The following PRR29 variants were observed in gnomAD, a reference collection of about 807,000 sequenced individuals.
The protein encoded by PRR29 is proline-rich protein 29.
Under a neutral mutation model 25.1 loss-of-function variants are expected in PRR29, and 20 were observed. That is an observed-to-expected ratio of 0.80 (90% CI 0.56 to 1.16). The LOEUF (loss-of-function observed/expected upper bound fraction) is 1.16, where lower values mean the gene tolerates loss of function less well. PRR29 is among the 50% of genes most tolerant of loss of function. The pLI, the probability that PRR29 is intolerant of heterozygous loss-of-function variation, is 0.00. For synonymous variants in PRR29, 108 were observed against 102.6 expected (o/e 1.05, Z -0.32); for missense variants, 238 against 246.6 (o/e 0.97, Z 0.23).
chr17:63,999,312 G>GC, intron 3 of PRR29: 1 of 581,508 alleles, frequency 1.7e-6, no homozygotes, highest in East Asian at 2.9e-5. Context: ...AGGTTTCCCT[G>GC]TAGTGCCTCC....
Position 64,004,010 on chromosome 17 carries a change from T to A in PRR29, c.*2249T>A. ...AGGTCTGGTCAGGATGGGGGTGCAG[T>A]CCCAGCAGCCTCCCCCTGGCCAGGG... On this transcript the variant is annotated 3_prime_UTR_variant, in exon 6 of 6. Coordinates refer to ENST00000412177, the MANE Select transcript of PRR29 (RefSeq NM_001164257.2). The A allele has an allele frequency of 7.0e-7, 1 of 1,425,890 alleles. No homozygotes were observed. Among genetic ancestry groups the A allele is most frequent in the Non-Finnish European group, 9.5e-7 (1 of 1,048,020 alleles). 88.3% of individuals were successfully genotyped at this position (1,425,890 alleles called of 1,614,324 possible). A position where few individuals can be genotyped will look rare whatever the true frequency, so the allele number is the denominator to read the frequency against.
Position 64,001,511 on chromosome 17 carries a change from T to A in PRR29, c.515T>A (p.Val172Glu). ...CCACCCCCCAGTGCCACAGGGACTG[T>A]GGGTGCTGATGTACCCCCGGCTTCA... Reference protein sequence around the residue: ...PPPPPSATGTVGADVPPASDY... With the variant: ...PPPPPSATGTEGADVPPASDY... Residue 172 changes from valine to glutamate, a missense_variant, in exon 5 of 6, where the codon GTG becomes GAG. Val to Glu is a moderately radical substitution (Grantham distance 121, BLOSUM62 -2). Transcript: ENST00000412177. 1 of 1,513,778 alleles carries A rather than the reference T, an allele frequency of 6.6e-7. No homozygotes were observed. Among genetic ancestry groups the A allele is most frequent in the South Asian group, 1.2e-5 (1 of 80,746 alleles). 93.8% of individuals were successfully genotyped at this position (1,513,778 alleles called of 1,614,324 possible).
At position 64,002,119 on chromosome 17, in the gene PRR29, C is replaced by A; in HGVS notation, c.*358C>A. 1.0e-6 allele frequency: 1 copy of A among 961,896 alleles called. No individual in the cohort carries two copies. 59.6% of individuals were successfully genotyped at this position (961,896 alleles called of 1,614,324 possible). Reference sequence around the variant, plus strand: ...CCCTCTCTCTGGGATGATGAGGTCTCCTTCCAGCCTAGTAATGGAGCAAGA... The same window carrying A: ...CCCTCTCTCTGGGATGATGAGGTCTACTTCCAGCCTAGTAATGGAGCAAGA... On this transcript the variant is annotated 3_prime_UTR_variant, in exon 6 of 6. Transcript: ENST00000412177.
Position 63,999,068 on chromosome 17 carries a change from C to T in PRR29, c.237C>T (p.Cys79=), listed in dbSNP as rs1199596115. 3 of 1,535,004 alleles carry T rather than the reference C, an allele frequency of 2.0e-6. No individual in the cohort carries two copies. Among genetic ancestry groups the T allele is most frequent in the Admixed American group, 2.0e-5 (1 of 50,936 alleles). The stretch of plus-strand genomic sequence containing the variant: ...TGCAGCCCCGGCCTGCCTCGCCCTG[C>T]CCTCAGGTGCGTGTGGGTGGGCCGC... ...GALQPRPASP[C]PQVYLEVPQE... The change falls in exon 3 of 6, where the codon TGC becomes TGT. Residue 79 remains cysteine (C), a synonymous_variant. Transcript: ENST00000412177.
At chr17:63,998,814 CACCAT>C in intron 2 of PRR29, 32 bp downstream of exon 2, 3 of 1,116,066 alleles carry the variant, frequency 2.7e-6, no homozygotes, top group South Asian at 2.7e-5. Context: ...ACCCCACCCC[CACCAT>C]CACCACCACT....
Position 63,999,062 on chromosome 17 carries a change from G to A in PRR29, c.231G>A (p.Ser77=). 2.6e-6 allele frequency: 4 copies of A among 1,535,742 alleles called. No homozygotes were observed. The highest frequency in any genetic ancestry group is 2.0e-5 in the Admixed American group (1 of 50,988). The stretch of plus-strand genomic sequence containing the variant: ...GAGCGCTGCAGCCCCGGCCTGCCTC[G>A]CCCTGCCCTCAGGTGCGTGTGGGTG... ...VAGALQPRPA[S]PCPQVYLEVP... is the part of the protein sequence containing the mutation. Residue 77 remains serine, a synonymous_variant, in exon 3 of 6, where the codon TCG becomes TCA. Coordinates refer to ENST00000412177, the MANE Select transcript of PRR29 (RefSeq NM_001164257.2).
In PRR29 at chr17:64,002,881, A is replaced by G; in HGVS notation, c.*1120A>G. 6.2e-7 allele frequency: 1 copy of G among 1,613,850 alleles called. No homozygotes were observed. On this transcript the variant is annotated 3_prime_UTR_variant, in exon 6 of 6. Transcript: ENST00000412177. Reference sequence around the variant, plus strand: ...GTCACGAACAGGGACAGCAACACCGACACCACCGTGACTATGATGACCATC... The same window carrying G: ...GTCACGAACAGGGACAGCAACACCGGCACCACCGTGACTATGATGACCATC...
At position 63,998,727 on chromosome 17, in the gene PRR29, G is replaced by T. The variant is rs1489298445; in HGVS notation, c.81G>T (p.Gln27His). The T allele has an allele frequency of 4.6e-6, 7 of 1,523,590 alleles. No individual in the cohort carries two copies. In the African/African-American group the frequency reaches 9.9e-5, roughly 22 times the overall value. 94.4% of individuals were successfully genotyped at this position (1,523,590 alleles called of 1,614,324 possible). Residue 27 changes from glutamine to histidine, a missense_variant, in exon 2 of 6, where the codon CAG (glutamine) becomes CAT (histidine). Coordinates refer to ENST00000412177, the MANE Select transcript of PRR29 (RefSeq NM_001164257.2). ...CCCAGCCCTGGGTCACCTTCCTGCAGCCCCTCTCGTGGGCCGTCCCACCTG... is the reference window on the plus strand; with the variant it reads ...CCCAGCCCTGGGTCACCTTCCTGCATCCCCTCTCGTGGGCCGTCCCACCTG... The part of the protein sequence containing the change: ...AVPTPWVTFL[Q>H]PLSWAVPPAP...
At chr17:63,998,934 G>A in intron 2 of PRR29, 34 bp from the exon 3 acceptor site, 1 of 1,527,924 alleles carries the variant, frequency 6.5e-7, no homozygotes, top group Non-Finnish European at 8.8e-7. Context: ...GGACTCGGAG[G>A]CCCGGCGTGG....
rs772701348 is a variant in PRR29, at chr17:64,002,797, A to T, written c.*1036A>T. 6.2e-7 allele frequency: 1 copy of T among 1,613,656 alleles called. No homozygotes were observed. Among genetic ancestry groups the T allele is most frequent in the Non-Finnish European group, 8.5e-7 (1 of 1,179,978 alleles). ...CTCCTCCAAGCCGCTCGCACCCCGT[A>T]GGTGCCCATCCGCTGCTGGCGCAAG... On this transcript the variant is annotated 3_prime_UTR_variant, in exon 6 of 6. Transcript: ENST00000412177.
At position 64,003,719 on chromosome 17, in the gene PRR29, C is replaced by T. The variant is rs1598015215; in HGVS notation, c.*1958C>T. ...CCGCGAGACATCAAGTCCAGCACAGCCAGGCAGGAGAAGTTGCGGTGGCCA... is the reference window on the plus strand; with the variant it reads ...CCGCGAGACATCAAGTCCAGCACAGTCAGGCAGGAGAAGTTGCGGTGGCCA... On this transcript the variant is annotated 3_prime_UTR_variant, in exon 6 of 6. Transcript: ENST00000412177. 1 of 1,614,222 alleles carries T rather than the reference C, an allele frequency of 6.2e-7. No individual in the cohort carries two copies. Among genetic ancestry groups the T allele is most frequent in the Non-Finnish European group, 8.5e-7 (1 of 1,180,052 alleles).
chr17:63,999,925 T>C (rs560770497), intron 3 of PRR29: 2 of 153,106 alleles, frequency 1.3e-5, no homozygotes, highest in East Asian at 3.8e-4. Context: ...TGCAAGCGTG[T>C]GTGTGCATGC....
intron 3 of PRR29, 172 bp from the exon 4 acceptor site, chr17:64,000,912 C>T (rs1383009764): frequency 2.4e-5 from 15 of 622,806 alleles, no homozygotes; most frequent in African/African-American, 5.5e-5. Flanking sequence ...GTGATCCGCC[C>T]GCCTCGGCCT....
Position 64,001,927 on chromosome 17 carries a change from C to A in PRR29, c.*166C>A. 4.6e-6 allele frequency: 7 copies of A among 1,535,338 alleles called. No individual in the cohort carries two copies. Among genetic ancestry groups the A allele is most frequent in the South Asian group, 1.2e-5 (1 of 84,016 alleles). On this transcript the variant is annotated 3_prime_UTR_variant, in exon 6 of 6. Transcript: ENST00000412177. Reference sequence around the variant, plus strand: ...CTTCTCCTGGGGAAATCAGTCCCTGCCCCACGCCAATGAGTTCCTGGACGG... The same window carrying A: ...CTTCTCCTGGGGAAATCAGTCCCTGACCCACGCCAATGAGTTCCTGGACGG...
rs754218863 is a variant in PRR29 at position 64,001,491 on chromosome 17, C to G, written c.495C>G (p.Pro165=). Residue 165 remains proline (P), a synonymous_variant, in exon 5 of 6, where the codon CCC becomes CCG. Transcript: ENST00000412177. ...REVRAVPPPP[P]PSATGTVGAD... ...GGAGAGCTGTGCCCCCACCCCCACC[C>G]CCCAGTGCCACAGGGACTGTGGGTG... 12 of 1,493,360 alleles carry G rather than the reference C, an allele frequency of 8.0e-6. No homozygotes were observed. The South Asian group carries it at 1.4e-4, about 18-fold the overall frequency. The allele number at this position is 1,493,360 out of a possible 1,614,324, so 92.5% of individuals were successfully genotyped here. A position where few individuals can be genotyped will look rare whatever the true frequency, so the allele number is the denominator to read the frequency against.
chr17:64,000,808 A>G lies in PRR29; in HGVS notation c.244-276A>G, dbSNP rs561384012. On this transcript the variant is annotated intron_variant, in intron 3 of 5. Coordinates refer to ENST00000412177, the MANE Select transcript of PRR29 (RefSeq NM_001164257.2). ...GCTGGGACTACAGGCGCCCACCACC[A>G]TGCCCAGCTAATTTTTTTTTTTTTT... 7.1e-5 allele frequency: 28 copies of G among 393,040 alleles called. No individual in the cohort carries two copies. The East Asian group carries it at 1.4e-3, about 19-fold the overall frequency. The allele number at this position is 393,040 out of a possible 1,614,324, so 24.3% of individuals were successfully genotyped here.
In PRR29 at chr17:63,998,744, TCCCACCTGCGC is replaced by T. The variant is rs1399880639; in HGVS notation, c.102_112del (p.Pro35AlafsTer54). 6.6e-7 allele frequency: 1 copy of T among 1,519,242 alleles called. No homozygotes were observed. Among genetic ancestry groups the T allele is most frequent in the South Asian group, 1.2e-5 (1 of 83,140 alleles). The allele number at this position is 1,519,242 out of a possible 1,614,324, so 94.1% of individuals were successfully genotyped here. Reference sequence around the variant, plus strand: ...TTCCTGCAGCCCCTCTCGTGGGCCGTCCCACCTGCGCCCCCGCAGCCAGGCCGCGTGAAGGA... The same window carrying T: ...TTCCTGCAGCCCCTCTCGTGGGCCGTCCCCGCAGCCAGGCCGCGTGAAGGA... On this transcript the variant is annotated frameshift_variant, in exon 2 of 6. Transcript: ENST00000412177. LOFTEE classifies it high-confidence loss of function.
rs537748790 is a variant in PRR29, at chr17:63,999,745, GCATGCGTGTGTGTGTGCAAGGCTGTGTA to G, written c.243+677_243+704del. On this transcript the variant is annotated intron_variant, in intron 3 of 5. Transcript: ENST00000412177. ...TGTGTGTGCAAGTGGGTGTCTGTGTGCATGCGTGTGTGTGTGCAAGGCTGTGTACATGCATATGTGTGTGCAAGTGTGT... is the reference window on the plus strand; with the variant it reads ...TGTGTGTGCAAGTGGGTGTCTGTGTGCATGCATATGTGTGTGCAAGTGTGT... The G allele has an allele frequency of 9.2e-4, 144 of 157,222 alleles. 3 individuals are homozygous for G. The South Asian group carries it at 0.026, about 29-fold the overall frequency. The allele number at this position is 157,222 out of a possible 1,614,324, so 9.7% of individuals were successfully genotyped here.
At position 64,003,643 on chromosome 17, in the gene PRR29, C is replaced by G; in HGVS notation, c.*1882C>G. The G allele has an allele frequency of 6.2e-7, 1 of 1,611,602 alleles. No individual in the cohort carries two copies. The highest frequency in any genetic ancestry group is 8.5e-7 in the Non-Finnish European group (1 of 1,178,538). On this transcript the variant is annotated 3_prime_UTR_variant, in exon 6 of 6. Coordinates refer to ENST00000412177, the MANE Select transcript of PRR29 (RefSeq NM_001164257.2). ...AACTCCATCCACGGATCCCCCCTCA[C>G]CATAGATCTCCAACATCTTCGGGGC...
Sources: gnomAD v4.1 joint callset for allele counts on GRCh38, gnomAD v4.1.1 for gene constraint, MANE v1.5 for transcripts, NCBI Gene and HGNC (gene_info 2026-07-23, HGNC 2026-07-21) for gene names.